The following OXR1 variants were observed in gnomAD, a reference collection of about 807,000 sequenced individuals.
OXR1 encodes oxidation resistance 1.
A neutral mutation model predicts 104.6 loss-of-function variants in OXR1; 41 were observed. The ratio of observed to expected loss-of-function variants is 0.39; its 90% confidence interval spans 0.31 to 0.51. OXR1 has a LOEUF of 0.51. Among genes scored for constraint, OXR1 ranks in the 20% least tolerant of loss-of-function variants. The pLI is 0.77. For synonymous variants in OXR1, 348 were observed against 348.4 expected, an observed-to-expected ratio of 1.00 and a Z score of 0.01; for missense variants, 955 against 1,031.9, an observed-to-expected ratio of 0.93 and a Z score of 1.02.
At chr8:106,531,147 T>A (rs1814067310) in intron 3 of OXR1, among the ~76,000 whole-genome samples, 1 of 152,212 alleles carries the variant, frequency 6.6e-6, no homozygotes, top group African/African-American at 2.4e-5. Context: ...TTCTGTTTGA[T>A]CATTAATTTG....
intron 2 of OXR1, among the ~76,000 whole-genome samples, chr8:106,394,689 A>G (rs960587570): frequency 3.3e-5 from 5 of 152,230 alleles, no homozygotes; most frequent in Non-Finnish European, 7.4e-5. Context: ...AGGAAGCTAC[A>G]TATTTGACTT....
chr8:106,275,660 C>G (rs1204287450), intron 1 of OXR1, among the ~76,000 whole-genome samples: 1 of 152,086 alleles, frequency 6.6e-6, no homozygotes, highest in African/African-American at 2.4e-5. Flanking sequence ...GATGGCAGCT[C>G]CATTTACCTA....
chr8:106,692,491 A>G (rs1030777194), intron 6 of OXR1, among the ~76,000 whole-genome samples: 1 of 152,080 alleles, frequency 6.6e-6, no homozygotes, highest in Non-Finnish European at 1.5e-5. Context: ...GTATCTCCCT[A>G]TTAAAAATCA....
chr8:106,663,080 A>G (rs1317486392), intron 3 of OXR1, among the ~76,000 whole-genome samples: 3 of 152,204 alleles, frequency 2.0e-5, no homozygotes, highest in South Asian at 4.1e-4. Flanking sequence ...AAAAAAATCC[A>G]AAACACTCCT....
At chr8:106,693,175 G>A (rs1380548219) in intron 7 of OXR1, among the ~76,000 whole-genome samples, 1 of 152,130 alleles carries the variant, frequency 6.6e-6, no homozygotes, top group Non-Finnish European at 1.5e-5. Context: ...CAGGTACTGT[G>A]TGGAGTGTGA....
At chr8:106,487,230 G>A (rs992836713) in intron 2 of OXR1, among the ~76,000 whole-genome samples, 4 of 151,416 alleles carry the variant, frequency 2.6e-5, no homozygotes, top group African/African-American at 9.7e-5. Context: ...CACCATGTTG[G>A]CCAGGCTAGT....
chr8:106,642,694 T>C (rs1823756342), intron 3 of OXR1, among the ~76,000 whole-genome samples: 1 of 152,146 alleles, frequency 6.6e-6, no homozygotes, highest in East Asian at 1.9e-4. Flanking sequence ...AGAATCAGGT[T>C]TGGTTACAGC....
At position 106,732,407 on chromosome 8, in the gene OXR1, G is replaced by C. The variant is rs576995878; in HGVS notation, c.1957-5113G>C. Among the ~76,000 whole-genome samples, 4 of 152,100 alleles carry C rather than the reference G, an allele frequency of 2.6e-5. No individual in the cohort carries two copies. The South Asian group carries it at 6.2e-4, about 24-fold the overall frequency. On this transcript the variant is annotated intron_variant, in intron 11 of 16. Transcript: ENST00000517566. ...AACTTTGTCTTATTGCATTAGCTAG[G>C]ACTTCCTGCATAATGTCAGGTAAGA...
At chr8:106,562,771 C>T (rs1437615600) in intron 3 of OXR1, among the ~76,000 whole-genome samples, 1 of 152,182 alleles carries the variant, frequency 6.6e-6, no homozygotes, top group Non-Finnish European at 1.5e-5. Flanking sequence ...CAGCGGATCT[C>T]TTTGCAGAAA....
intron 1 of OXR1, among the ~76,000 whole-genome samples, chr8:106,310,405 G>A (rs1357237325): frequency 6.6e-6 from 1 of 151,928 alleles, no homozygotes; most frequent in East Asian, 1.9e-4. Context: ...TCCAATCTGG[G>A]GTGGCTGCTC....
chr8:106,484,944 T>C (rs1586703686), intron 2 of OXR1, among the ~76,000 whole-genome samples: 2 of 151,954 alleles, frequency 1.3e-5, no homozygotes, highest in African/African-American at 4.8e-5. Context: ...CTTCAGTAGA[T>C]AAATGGATAA....
intron 3 of OXR1, chr8:106,657,984 A>G: frequency 8.8e-6 from 11 of 1,248,444 alleles, no homozygotes; most frequent in Non-Finnish European, 1.1e-5. Flanking sequence ...GCCCCGCGGC[A>G]GCATGGACTA....
At chr8:106,339,149 C>T (rs1815088906) in intron 1 of OXR1, among the ~76,000 whole-genome samples, 1 of 151,940 alleles carries the variant, frequency 6.6e-6, no homozygotes, top group Admixed American at 6.6e-5. Flanking sequence ...TGAAATACTG[C>T]TCTTTGGGGA....
intron 2 of OXR1, among the ~76,000 whole-genome samples, chr8:106,371,525 G>A (rs1336852866): frequency 2.0e-5 from 3 of 152,120 alleles, no homozygotes; most frequent in Admixed American, 6.6e-5. Flanking sequence ...TCTGATGTGG[G>A]CATTTAGTGC....
Position 106,312,056 on chromosome 8 carries a change from G to A in OXR1, c.-139+41689G>A, listed in dbSNP as rs117502726. ...CACTTGTGTGTGTAGTTATAGGAGG[G>A]AGCAGAGGCTAACTTGTTTGACTGG... On this transcript the variant is annotated intron_variant, in intron 1 of 16. Coordinates refer to ENST00000517566, the MANE Select transcript of OXR1 (RefSeq NM_001198533.2). Among the ~76,000 whole-genome samples, 1,237 of 151,934 alleles carry A rather than the reference G, an allele frequency of 8.1e-3. 9 individuals carry two copies. Among genetic ancestry groups the A allele is most frequent in the South Asian group, 0.015 (74 of 4,794 alleles).
At chr8:106,450,289 C>G (rs531915777) in intron 2 of OXR1, among the ~76,000 whole-genome samples, 1 of 152,224 alleles carries the variant, frequency 6.6e-6, no homozygotes, top group South Asian at 2.1e-4. Context: ...CTCCCAAGTA[C>G]ACATTTCTTA....
At chr8:106,364,962 T>C (rs1376126928) in intron 2 of OXR1, among the ~76,000 whole-genome samples, 1 of 152,192 alleles carries the variant, frequency 6.6e-6, no homozygotes, top group Admixed American at 6.5e-5. Context: ...GTATTTGCAA[T>C]GGCAGAGGAA....
chr8:106,751,579 A>C lies in OXR1; in HGVS notation c.*638A>C. 1 of 152,596 alleles carries C rather than the reference A, an allele frequency of 6.6e-6. No individual in the cohort carries two copies. The highest frequency in any genetic ancestry group is 1.9e-4 in the East Asian group (1 of 5,202). 9.5% of individuals were successfully genotyped at this position (152,596 alleles called of 1,614,324 possible). On this transcript the variant is annotated 3_prime_UTR_variant, in exon 17 of 17. Coordinates refer to ENST00000517566, the MANE Select transcript of OXR1 (RefSeq NM_001198533.2). ...TTCTGGTTGTAATAGATGACAGTAC[A>C]TATGATCTGCAGGTTTGGGCATATG... is the stretch of plus-strand genomic sequence containing the variant.
At chr8:106,423,828 C>T (rs1025117464) in intron 2 of OXR1, among the ~76,000 whole-genome samples, 7 of 152,304 alleles carry the variant, frequency 4.6e-5, no homozygotes, top group Middle Eastern at 3.4e-3. Context: ...AATATAATCC[C>T]ATCATATCAC....
Sources: gnomAD v4.1 joint callset for allele counts (sites outside exome capture counted in the v4.1 genomes callset) on GRCh38, gnomAD v4.1.1 for gene constraint, MANE v1.5 for transcripts, NCBI Gene and HGNC (gene_info 2026-07-23, HGNC 2026-07-21) for gene names.